Variants in RAPGEF2 observed in about 807,000 individuals in gnomAD.
RAPGEF2 encodes the protein Rap guanine nucleotide exchange factor 2.
Under a neutral mutation model 186.7 loss-of-function variants are expected in RAPGEF2, and 54 were observed. The ratio of observed to expected loss-of-function variants is 0.29; its 90% CI spans 0.23 to 0.36. RAPGEF2 has a LOEUF of 0.36. Among genes scored for constraint, RAPGEF2 ranks in the 10% least tolerant of loss-of-function variants. The probability of loss-of-function intolerance (pLI) is 1.00; values close to 1 mark genes in which losing one functional copy is unlikely to be tolerated. For synonymous variants in RAPGEF2, 712 were observed against 705.9 expected (o/e 1.01, Z -0.14); for missense variants, 1,532 against 2,045.0 (o/e 0.75, Z 4.84).
intron 1 of RAPGEF2, 65 bp downstream of exon 1, chr4:159,104,296 TC>T: frequency 9.7e-6 from 6 of 620,080 alleles, no homozygotes; most frequent in Non-Finnish European, 1.4e-5. Flanking sequence ...TCTTCCCCTG[TC>T]CCCCCACCTC....
intron 7 of RAPGEF2, among the ~76,000 whole-genome samples, chr4:159,274,714 A>G (rs1039365694): frequency 3.9e-5 from 6 of 152,318 alleles, no homozygotes; most frequent in Admixed American, 2.0e-4. Context: ...TGTCTTAGGT[A>G]TTACACAGAA....
At chr4:159,268,721 T>C (rs1370733279) in intron 7 of RAPGEF2, among the ~76,000 whole-genome samples, 2 of 152,136 alleles carry the variant, frequency 1.3e-5, no homozygotes, top group African/African-American at 2.4e-5. Context: ...AAACACAGCT[T>C]TTTTTAATGC....
At chr4:159,194,580 A>G in intron 3 of RAPGEF2, among the ~76,000 whole-genome samples, 1 of 152,228 alleles carries the variant, frequency 6.6e-6, no homozygotes, top group Non-Finnish European at 1.5e-5. Flanking sequence ...TTATTATGAT[A>G]TGTATCTCTA....
chr4:159,205,420 A>C (rs530398026), intron 3 of RAPGEF2, among the ~76,000 whole-genome samples: 1 of 152,192 alleles, frequency 6.6e-6, no homozygotes, highest in Non-Finnish European at 1.5e-5. Context: ...TTACATCCCA[A>C]TAAACCCACT....
chr4:159,267,759 G>A (rs887586583), intron 7 of RAPGEF2: 3 of 1,007,054 alleles, frequency 3.0e-6, no homozygotes, highest in East Asian at 2.0e-4. Flanking sequence ...TTTGAGGGGA[G>A]TCTGTGTGCA....
chr4:159,318,516 A>G (rs762616633), intron 9 of RAPGEF2, among the ~76,000 whole-genome samples: 8 of 152,226 alleles, frequency 5.3e-5, no homozygotes, highest in Non-Finnish European at 1.0e-4. Flanking sequence ...ATATTTGAAC[A>G]TATTTTTGCG....
At chr4:159,142,586 A>G (rs1742473425) in intron 1 of RAPGEF2, among the ~76,000 whole-genome samples, 3 of 152,042 alleles carry the variant, frequency 2.0e-5, no homozygotes, top group African/African-American at 7.2e-5. Context: ...TATTGCTAAT[A>G]TATAAAAATA....
At chr4:159,109,085 A>G (rs1738210233) in intron 1 of RAPGEF2, among the ~76,000 whole-genome samples, 1 of 152,200 alleles carries the variant, frequency 6.6e-6, no homozygotes, top group East Asian at 1.9e-4. Flanking sequence ...ATATAAATGG[A>G]CTATCCGAAA....
At chr4:159,120,154 G>A (rs1739500256) in intron 1 of RAPGEF2, among the ~76,000 whole-genome samples, 1 of 152,072 alleles carries the variant, frequency 6.6e-6, no homozygotes, top group Admixed American at 6.6e-5. Context: ...TGAGTAGCTG[G>A]GATTACAGGT....
intron 8 of RAPGEF2, among the ~76,000 whole-genome samples, chr4:159,307,370 T>C (rs553920257): frequency 2.8e-4 from 43 of 152,170 alleles, no homozygotes; most frequent in Non-Finnish European, 6.0e-4. Context: ...GTTATATACT[T>C]TTCTCAGTTT....
intron 4 of RAPGEF2, among the ~76,000 whole-genome samples, chr4:159,213,720 A>G (rs1750740382): frequency 6.6e-6 from 1 of 151,764 alleles, no homozygotes; most frequent in African/African-American, 2.4e-5. Flanking sequence ...TGGTTTGGGT[A>G]TGTATTTTTA....
At chr4:159,131,546 T>C (rs1431452609) in intron 1 of RAPGEF2, among the ~76,000 whole-genome samples, 3 of 140,024 alleles carry the variant, frequency 2.1e-5, no homozygotes, top group Non-Finnish European at 4.6e-5. Flanking sequence ...TTTTTTTTTT[T>C]AGCTTTTGCT....
chr4:159,107,642 A>G (rs1560968553), intron 1 of RAPGEF2, among the ~76,000 whole-genome samples: 3 of 152,152 alleles, frequency 2.0e-5, no homozygotes, highest in Non-Finnish European at 2.9e-5. Flanking sequence ...AACTTTTGAT[A>G]TAAGTACTAA....
intron 19 of RAPGEF2, among the ~76,000 whole-genome samples, chr4:159,341,035 C>G (rs759973573): frequency 3.3e-5 from 5 of 152,000 alleles, no homozygotes; most frequent in Non-Finnish European, 5.9e-5. Context: ...GAGGATTGTT[C>G]TATTCATAGG....
chr4:159,345,039 C>A, intron 23 of RAPGEF2, 67 bp from the exon 24 acceptor site: 4 of 1,338,742 alleles, frequency 3.0e-6, no homozygotes, highest in Non-Finnish European at 4.3e-6. Context: ...TCAGTCTTGG[C>A]ACATTTTAAA....
At chr4:159,186,065 CTT>C (rs1244126165) in intron 1 of RAPGEF2, among the ~76,000 whole-genome samples, 3 of 151,738 alleles carry the variant, frequency 2.0e-5, no homozygotes, top group African/African-American at 7.3e-5. Flanking sequence ...TCATAAATAA[CTT>C]TGAGTCTTTT....
intron 4 of RAPGEF2, among the ~76,000 whole-genome samples, chr4:159,233,081 C>T (rs1684834448): frequency 6.6e-6 from 1 of 152,096 alleles, no homozygotes; most frequent in African/African-American, 2.4e-5. Context: ...ATGTGATTTA[C>T]AAATACTTTC....
At chr4:159,238,545 G>A (rs965711825) in intron 4 of RAPGEF2, among the ~76,000 whole-genome samples, 8 of 152,054 alleles carry the variant, frequency 5.3e-5, no homozygotes, top group Non-Finnish European at 1.2e-4. Flanking sequence ...ACTCACTCAT[G>A]CTAATAATTC....
At chr4:159,144,893 T>G (rs1742761447) in intron 1 of RAPGEF2, among the ~76,000 whole-genome samples, 1 of 141,824 alleles carries the variant, frequency 7.1e-6, no homozygotes, top group Admixed American at 7.1e-5. Flanking sequence ...TTTTTTTTTT[T>G]TTTTTTTTTT....
Sources: gnomAD v4.1 joint callset for allele counts (sites outside exome capture counted in the v4.1 genomes callset) on GRCh38, gnomAD v4.1.1 for gene constraint, MANE v1.5 for transcripts, NCBI Gene and HGNC (gene_info 2026-07-23, HGNC 2026-07-21) for gene names.